Variants in PTPRD observed in about 807,000 individuals in gnomAD.
PTPRD encodes protein tyrosine phosphatase receptor type D, also known as receptor-type tyrosine-protein phosphatase delta.
A neutral mutation model predicts 214.5 loss-of-function variants in PTPRD; 34 were observed. That is an observed-to-expected ratio of 0.16 (90% CI 0.12 to 0.21). The LOEUF is 0.21. Among genes scored for constraint, PTPRD ranks in the 10% least tolerant of loss-of-function variants. PTPRD has a pLI of 1.00. For missense variants in PTPRD, 2,545 were observed against 2,398.7 expected, an observed-to-expected ratio of 1.06 and a Z score of -1.27; for synonymous variants, 1,128 against 845.7, an observed-to-expected ratio of 1.33 and a Z score of -5.79.
At chr9:8,842,883 T>C (rs978925685) in intron 11 of PTPRD, among the ~76,000 whole-genome samples, 1 of 152,170 alleles carries the variant, frequency 6.6e-6, no homozygotes, top group Non-Finnish European at 1.5e-5. Context: ...TCCTGCTCCG[T>C]CGGCCATCCT....
chr9:8,763,799 C>T (rs1450352731), intron 11 of PTPRD, among the ~76,000 whole-genome samples: 1 of 151,892 alleles, frequency 6.6e-6, no homozygotes, highest in Non-Finnish European at 1.5e-5. Flanking sequence ...TGTCCCACAT[C>T]AAAATGAGAC....
intron 7 of PTPRD, among the ~76,000 whole-genome samples, chr9:9,701,921 C>G (rs1315668868): frequency 1.3e-5 from 2 of 152,102 alleles, no homozygotes; most frequent in Non-Finnish European, 2.9e-5. Context: ...GAGTTCAAGA[C>G]AAGCCTGGCC....
chr9:9,623,746 T>C (rs1299074286), intron 7 of PTPRD, among the ~76,000 whole-genome samples: 1 of 152,154 alleles, frequency 6.6e-6, no homozygotes, highest in Non-Finnish European at 1.5e-5. Flanking sequence ...ATCTCATATA[T>C]ACTAAAGCTT....
chr9:8,525,597 CAGATTTTTAAGAAAAGAA>C (rs2073891526), intron 17 of PTPRD, among the ~76,000 whole-genome samples: 1 of 152,052 alleles, frequency 6.6e-6, no homozygotes, highest in Non-Finnish European at 1.5e-5. Context: ...TTAAGACATG[CAGATTTTTAAGAAAAGAA>C]AGACAGTTTT....
intron 3 of PTPRD, among the ~76,000 whole-genome samples, chr9:10,279,140 A>G (rs1484072206): frequency 6.6e-6 from 1 of 151,978 alleles, no homozygotes; most frequent in East Asian, 1.9e-4. Context: ...ATAATCAATC[A>G]TAATTCTTAC....
At chr9:8,355,758 G>A (rs950297297) in intron 39 of PTPRD, among the ~76,000 whole-genome samples, 3 of 152,298 alleles carry the variant, frequency 2.0e-5, no homozygotes, top group East Asian at 1.9e-4. Context: ...GTGAGAGCAC[G>A]GAGACCTGGG....
At chr9:9,287,818 C>A (rs752265615) in intron 9 of PTPRD, among the ~76,000 whole-genome samples, 19 of 151,772 alleles carry the variant, frequency 1.3e-4, no homozygotes, top group Non-Finnish European at 2.5e-4. Flanking sequence ...CATAATCAGC[C>A]AGGAAACTAT....
intron 36 of PTPRD, among the ~76,000 whole-genome samples, chr9:8,395,575 G>A (rs967595184): frequency 6.6e-6 from 1 of 152,038 alleles, no homozygotes; most frequent in Non-Finnish European, 1.5e-5. Context: ...TCTATTGTTT[G>A]CCAGGGTATC....
intron 2 of PTPRD, among the ~76,000 whole-genome samples, chr9:10,361,804 G>C (rs565691100): frequency 6.6e-6 from 1 of 152,218 alleles, no homozygotes; most frequent in East Asian, 1.9e-4. Context: ...AGGTAAGCAA[G>C]AATTAAATAC....
intron 10 of PTPRD, among the ~76,000 whole-genome samples, chr9:9,148,853 G>C (rs937408496): frequency 1.3e-5 from 2 of 151,908 alleles, no homozygotes; most frequent in East Asian, 3.9e-4. Context: ...TAAAACCTAA[G>C]GTAATAAAAA....
chr9:10,545,029 A>G (rs950865069), intron 2 of PTPRD, among the ~76,000 whole-genome samples: 1 of 152,168 alleles, frequency 6.6e-6, no homozygotes, highest in African/African-American at 2.4e-5. Flanking sequence ...TTAGATATGT[A>G]AAAGGGAGAA....
At chr9:9,793,502 A>C (rs946312185) in intron 5 of PTPRD, among the ~76,000 whole-genome samples, 1 of 152,138 alleles carries the variant, frequency 6.6e-6, no homozygotes, top group African/African-American at 2.4e-5. Context: ...ATGGACGGAC[A>C]GATAGATATG....
rs1200678776 is a variant in PTPRD at position 8,316,318 on chromosome 9, T to C, written c.*1556A>G. The C allele has an allele frequency of 4.3e-6, 1 of 231,226 alleles. No homozygotes were observed. The highest frequency in any genetic ancestry group is 2.2e-5 in the African/African-American group (1 of 45,148). 14.3% of individuals were successfully genotyped at this position (231,226 alleles called of 1,614,324 possible). The stretch of plus-strand genomic sequence containing the variant: ...CGAACCAAAAGCTAAAAAGAAATGC[T>C]ATTAAAATAGGCATCAATTATAAGG... On this transcript the variant is annotated 3_prime_UTR_variant, in exon 46 of 46. Transcript: ENST00000381196.
At chr9:9,457,303 G>A (rs1189506408) in intron 8 of PTPRD, among the ~76,000 whole-genome samples, 15 of 151,946 alleles carry the variant, frequency 9.9e-5, no homozygotes, top group Admixed American at 9.9e-4. Context: ...AGTCCTTTAT[G>A]ATAATCGGTC....
intron 10 of PTPRD, among the ~76,000 whole-genome samples, chr9:9,061,630 G>A (rs563329703): frequency 6.6e-6 from 1 of 152,220 alleles, no homozygotes; most frequent in South Asian, 2.1e-4. Context: ...AAGGGTCACA[G>A]CAGGACATGT....
At chr9:9,521,895 C>T (rs1470759723) in intron 8 of PTPRD, among the ~76,000 whole-genome samples, 3 of 152,038 alleles carry the variant, frequency 2.0e-5, no homozygotes, top group Admixed American at 1.3e-4. Flanking sequence ...CAGTGGCTCA[C>T]GCCTGTAATC....
At chr9:9,388,216 A>G (rs561720596) in intron 9 of PTPRD, among the ~76,000 whole-genome samples, 3 of 152,120 alleles carry the variant, frequency 2.0e-5, no homozygotes, top group Non-Finnish European at 4.4e-5. Context: ...TTACCTTGCT[A>G]GGGTCTTGGG....
At chr9:9,134,057 T>TA (rs2099846973) in intron 10 of PTPRD, among the ~76,000 whole-genome samples, 2 of 131,388 alleles carry the variant, frequency 1.5e-5, no homozygotes, top group African/African-American at 3.0e-5. Context: ...ATAGAATCAT[T>TA]CTTTTTTTTT....
At chr9:8,815,390 A>T (rs10815958) in intron 11 of PTPRD, among the ~76,000 whole-genome samples, 25,821 of 152,144 alleles carry the variant, frequency 0.17, 2,310 homozygotes, top group East Asian at 0.33. Flanking sequence ...GTTAGGCTCA[A>T]AATGTGATCC....
Sources: allele counts gnomAD v4.1 joint callset (sites outside exome capture counted in the v4.1 genomes callset), GRCh38; gene constraint gnomAD v4.1.1; transcripts MANE v1.5; gene names NCBI Gene and HGNC (gene_info 2026-07-23, HGNC 2026-07-21).